The following ANKHD1 variants were observed in gnomAD, a reference collection of about 807,000 sequenced individuals.
ANKHD1 encodes ankyrin repeat and KH domain containing 1.
A neutral mutation model predicts 230.5 loss-of-function variants in ANKHD1; 31 were observed. The observed-to-expected ratio is 0.13, with a 90% CI of 0.10 to 0.18. The LOEUF is 0.18. Among genes scored for constraint, ANKHD1 ranks in the 10% least tolerant of loss-of-function variants. The pLI is 1.00. For missense variants in ANKHD1, 2,256 were observed against 3,071.3 expected, an observed-to-expected ratio of 0.73 and a Z score of 6.27; for synonymous variants, 1,074 against 1,117.6, an observed-to-expected ratio of 0.96 and a Z score of 0.78.
chr5:140,484,248 A>G (rs1428558260), intron 11 of ANKHD1, among the ~76,000 whole-genome samples: 1 of 152,218 alleles, frequency 6.6e-6, no homozygotes, highest in African/African-American at 2.4e-5. Context: ...AAGAAGGAAG[A>G]ATGAATATTT....
chr5:140,538,388 A>C (rs891980808), intron 32 of ANKHD1, 127 bp downstream of exon 32: 15 of 1,454,690 alleles, frequency 1.0e-5, no homozygotes, highest in Non-Finnish European at 1.4e-5. Context: ...CTTTTGCTTA[A>C]TTTCAGGAGT....
In ANKHD1 at chr5:140,538,203, T is replaced by C. The variant is rs1266220041; in HGVS notation, c.7346T>C (p.Val2449Ala). 2.5e-6 allele frequency: 4 copies of C among 1,614,200 alleles called. No homozygotes were observed. Among genetic ancestry groups the C allele is most frequent in the Admixed American group, 3.3e-5 (2 of 60,030 alleles). ...QPMERDDSGMVAPSNIFHQPM... is the reference protein window; with the variant it reads ...QPMERDDSGMAAPSNIFHQPM... ...ATGGAGAGAGATGATTCTGGAATGGTAGCCCCCTCTAACATTTTTCATCAG... is the reference window on the plus strand; with the variant it reads ...ATGGAGAGAGATGATTCTGGAATGGCAGCCCCCTCTAACATTTTTCATCAG... The change falls in exon 32 of 34, where the codon GTA (valine) becomes GCA (alanine). Residue 2449 changes from valine to alanine, a missense_variant. Physicochemically the swap from Val to Ala is moderately conservative, Grantham distance 64 (BLOSUM62 0). This residue lies in a region of ANKHD1 where 778 missense variants were observed against 966.5 expected (regional missense o/e 0.80). Coordinates refer to ENST00000360839, the MANE Select transcript of ANKHD1 (RefSeq NM_017747.3).
intron 10 of ANKHD1, among the ~76,000 whole-genome samples, chr5:140,465,759 A>G (rs1283659835): frequency 1.3e-5 from 2 of 152,200 alleles, no homozygotes; most frequent in Non-Finnish European, 2.9e-5. Context: ...TGAAAACACT[A>G]TCATTCATTC....
Position 140,485,910 on chromosome 5 carries a change from T to TA in ANKHD1, c.2142+179dup. ...TCTTTAAAGGTACACTGAAATTTGT[T>TA]ATTGCCTTATTTATTGAGAATAGTG... is the stretch of plus-strand genomic sequence containing the variant. On this transcript the variant is annotated intron_variant, in intron 13 of 33. Coordinates refer to ENST00000360839, the MANE Select transcript of ANKHD1 (RefSeq NM_017747.3). The surrounding 1 kb of genome is among the most constrained non-coding windows in gnomAD (Gnocchi z 4.8). 1 of 933,722 alleles carries TA rather than the reference T, an allele frequency of 1.1e-6. No homozygotes were observed. The highest frequency in any genetic ancestry group is 1.5e-6 in the Non-Finnish European group (1 of 654,622). 57.8% of individuals were successfully genotyped at this position (933,722 alleles called of 1,614,324 possible). A position where few individuals can be genotyped will look rare whatever the true frequency, so the allele number is the denominator to read the frequency against.
chr5:140,402,873 T>G (rs1770084223), intron 1 of ANKHD1, among the ~76,000 whole-genome samples: 1 of 151,956 alleles, frequency 6.6e-6, no homozygotes, highest in Admixed American at 6.6e-5. Flanking sequence ...AAAAGGAAGT[T>G]CCAGGGCATC....
At chr5:140,456,034 A>G (rs1211147509) in intron 7 of ANKHD1, among the ~76,000 whole-genome samples, 4 of 152,244 alleles carry the variant, frequency 2.6e-5, no homozygotes, top group Non-Finnish European at 5.9e-5. Flanking sequence ...TACAAAATCA[A>G]TGTGCAAAAA....
intron 1 of ANKHD1, among the ~76,000 whole-genome samples, chr5:140,427,458 G>A (rs1393591050): frequency 1.5e-5 from 2 of 132,392 alleles, no homozygotes; most frequent in East Asian, 2.4e-4. Context: ...GGGGCGGCTG[G>A]CCGGGCAGAG....
chr5:140,532,222 AAG>A, intron 29 of ANKHD1, among the ~76,000 whole-genome samples: 1 of 151,914 alleles, frequency 6.6e-6, no homozygotes. Flanking sequence ...AAAAAAAAAA[AAG>A]AAGTACTGAT....
At chr5:140,491,916 T>G (rs1751826157) in intron 14 of ANKHD1, among the ~76,000 whole-genome samples, 1 of 152,204 alleles carries the variant, frequency 6.6e-6, no homozygotes, top group Admixed American at 6.5e-5. Context: ...AGAAGAAAAT[T>G]CTTAAGCATT....
At chr5:140,474,955 T>G (rs1016170004) in intron 10 of ANKHD1, among the ~76,000 whole-genome samples, 1 of 152,122 alleles carries the variant, frequency 6.6e-6, no homozygotes, top group African/African-American at 2.4e-5. Context: ...ACTTTTTTAT[T>G]AAGGAATAGC....
At chr5:140,450,395 G>C (rs1055933862) in intron 7 of ANKHD1, among the ~76,000 whole-genome samples, 3 of 151,238 alleles carry the variant, frequency 2.0e-5, no homozygotes, top group African/African-American at 7.3e-5. Flanking sequence ...CCAGGTTCAA[G>C]TGATTCTCGT....
chr5:140,532,000 A>G (rs573922329), intron 29 of ANKHD1, among the ~76,000 whole-genome samples: 1 of 152,252 alleles, frequency 6.6e-6, no homozygotes, highest in South Asian at 2.1e-4. Context: ...TGAGATCAGA[A>G]GTTCGAGACC....
At chr5:140,510,916 A>T (rs945269568) in intron 22 of ANKHD1, among the ~76,000 whole-genome samples, 3 of 151,638 alleles carry the variant, frequency 2.0e-5, no homozygotes, top group African/African-American at 4.8e-5. Context: ...TCAACCTCCC[A>T]GGCTCAATTG....
Position 140,477,485 on chromosome 5 carries a change from A to T in ANKHD1, c.1783-5095A>T, listed in dbSNP as rs151142614. Among the ~76,000 whole-genome samples the T allele has an allele frequency of 4.7e-4, 71 of 152,368 alleles. No individual in the cohort carries two copies. The East Asian group carries it at 0.013, about 28-fold the overall frequency. On this transcript the variant is annotated intron_variant, in intron 10 of 33. Transcript: ENST00000360839. ...AAAAATTGTCCATGTTTTAGGCCAC[A>T]GAGAAGTCCGAAGAAACTCCTGAAT...
In ANKHD1 at chr5:140,538,371, G is replaced by C; in HGVS notation, c.7404+110G>C. ...TGCTCCCTTTTGTTTCTGTGGCTTT[G>C]CTAGATCTTTTGCTTAATTTCAGGA... On this transcript the variant is annotated intron_variant, in intron 32 of 33. Transcript: ENST00000360839. 2.7e-6 allele frequency: 4 copies of C among 1,509,362 alleles called. No individual in the cohort carries two copies. In the Admixed American group the frequency reaches 8.5e-5, roughly 32 times the overall value. The allele number at this position is 1,509,362 out of a possible 1,614,324, so 93.5% of individuals were successfully genotyped here. A position where few individuals can be genotyped will look rare whatever the true frequency, so the allele number is the denominator to read the frequency against.
intron 10 of ANKHD1, among the ~76,000 whole-genome samples, chr5:140,469,339 C>CAAA (rs1034952876): frequency 1.1e-5 from 1 of 87,600 alleles, no homozygotes; most frequent in Non-Finnish European, 2.4e-5. Context: ...CTGTCTCTAC[C>CAAA]AAAAAAAAAA....
At chr5:140,408,108 C>T (rs1331676844) in intron 1 of ANKHD1, among the ~76,000 whole-genome samples, 4 of 152,074 alleles carry the variant, frequency 2.6e-5, no homozygotes, top group South Asian at 2.1e-4. Flanking sequence ...ACCCGGGAGA[C>T]GGAGGCTGCA....
At chr5:140,417,460 ATAAT>A (rs1452601357) in intron 1 of ANKHD1, among the ~76,000 whole-genome samples, 2 of 151,802 alleles carry the variant, frequency 1.3e-5, no homozygotes, top group African/African-American at 2.4e-5. Flanking sequence ...AATTTAATTA[ATAAT>A]TAATTAAAGA....
At chr5:140,512,167 C>T (rs1752799568) in intron 22 of ANKHD1, among the ~76,000 whole-genome samples, 1 of 148,890 alleles carries the variant, frequency 6.7e-6, no homozygotes, top group Non-Finnish European at 1.5e-5. Flanking sequence ...ACCCGGGAGG[C>T]GGAGGTTGCA....
Sources: gnomAD v4.1 joint callset for allele counts (sites outside exome capture counted in the v4.1 genomes callset) on GRCh38, gnomAD v4.1.1 for gene constraint, gnomAD v4.1.1 regional missense constraint, Gnocchi (gnomAD v3.1) non-coding constraint, MANE v1.5 for transcripts, NCBI Gene and HGNC (gene_info 2026-07-23, HGNC 2026-07-21) for gene names.